Variants in PRKAR1B observed in about 807,000 individuals in gnomAD.
PRKAR1B encodes protein kinase cAMP-dependent type I regulatory subunit beta.
PRKAR1B carries 22 observed loss-of-function variants against 46.5 expected under a neutral mutation model. That is an observed-to-expected ratio of 0.47 (90% confidence interval 0.34 to 0.68). The LOEUF (loss-of-function observed/expected upper bound fraction) is 0.68, where lower values mean the gene tolerates loss of function less well. PRKAR1B is among the 30% of genes least tolerant of loss of function. The pLI is 0.01. For synonymous variants in PRKAR1B, 259 were observed against 217.7 expected (o/e 1.19, Z -1.67); for missense variants, 445 against 535.6 (o/e 0.83, Z 1.67).
intron 4 of PRKAR1B, among the ~76,000 whole-genome samples, chr7:636,962 C>A (rs914700902): frequency 6.6e-6 from 1 of 152,126 alleles, no homozygotes; most frequent in Non-Finnish European, 1.5e-5. Flanking sequence ...GTGGGGAGTG[C>A]CGGGACAGGC....
At position 593,278 on chromosome 7, in the gene PRKAR1B, C is replaced by T. The variant is rs533365707; in HGVS notation, c.708+2868G>A. 5.9e-5 allele frequency among the ~76,000 whole-genome samples: 9 copies of T among 152,098 alleles called. No individual in the cohort carries two copies. Among genetic ancestry groups the T allele is most frequent in the Non-Finnish European group, 1.0e-4 (7 of 68,026 alleles). ...GGTCTACTTCCTGGAGACACCAGACCGGGTCTCCCGCGTCCCCCAGGTCCC... is the reference window on the plus strand; with the variant it reads ...GGTCTACTTCCTGGAGACACCAGACTGGGTCTCCCGCGTCCCCCAGGTCCC... On this transcript the variant is annotated intron_variant, in intron 7 of 10. Coordinates refer to ENST00000537384, the MANE Select transcript of PRKAR1B (RefSeq NM_001164760.2). This position sits in a 1 kb window ranked among gnomAD's most constrained non-coding sequence, Gnocchi z 6.1.
intron 9 of PRKAR1B, among the ~76,000 whole-genome samples, chr7:567,923 TG>T (rs1779276109): frequency 6.6e-6 from 1 of 152,058 alleles, no homozygotes; most frequent in Non-Finnish European, 1.5e-5. Context: ...AGCTTCAGCC[TG>T]GGAAGATGAA....
intron 9 of PRKAR1B, among the ~76,000 whole-genome samples, chr7:554,089 G>C (rs922098196): frequency 3.3e-5 from 5 of 152,240 alleles, no homozygotes; most frequent in African/African-American, 1.2e-4. Flanking sequence ...CCTGGCACTG[G>C]CTCAGGCCAG....
chr7:558,909 G>C (rs1778615629), intron 9 of PRKAR1B, among the ~76,000 whole-genome samples: 1 of 152,170 alleles, frequency 6.6e-6, no homozygotes, highest in Non-Finnish European at 1.5e-5. Context: ...CACAGAACTG[G>C]GGGCAGACGG....
chr7:562,984 G>A (rs1000556332), intron 9 of PRKAR1B, among the ~76,000 whole-genome samples: 5 of 152,238 alleles, frequency 3.3e-5, no homozygotes, highest in Admixed American at 6.5e-5. Context: ...GTACTGACCA[G>A]GGTGCTGGAC....
chr7:720,050 C>CTTTTT (rs34254216), intron 1 of PRKAR1B, among the ~76,000 whole-genome samples: 9 of 93,168 alleles, frequency 9.7e-5, no homozygotes, highest in Non-Finnish European at 1.7e-4. Flanking sequence ...CTGTGCAAGT[C>CTTTTT]TTTTTTTTTT....
chr7:582,132 C>T (rs28439657), intron 8 of PRKAR1B, among the ~76,000 whole-genome samples: 3 of 151,950 alleles, frequency 2.0e-5, no homozygotes, highest in Admixed American at 2.0e-4. Context: ...AGCCACAGGA[C>T]GAGACGTCGT....
At chr7:612,585 G>C (rs1782584450) in intron 4 of PRKAR1B, among the ~76,000 whole-genome samples, 1 of 152,196 alleles carries the variant, frequency 6.6e-6, no homozygotes, top group Non-Finnish European at 1.5e-5. Flanking sequence ...ACAGATGATG[G>C]ATGGGTGGCT....
chr7:583,331 C>T (rs1780311443), intron 8 of PRKAR1B, among the ~76,000 whole-genome samples: 1 of 152,140 alleles, frequency 6.6e-6, no homozygotes, highest in African/African-American at 2.4e-5. Context: ...CACAGCCACA[C>T]TGCATACACA....
intron 4 of PRKAR1B, among the ~76,000 whole-genome samples, chr7:655,059 C>A (rs552063954): frequency 6.6e-6 from 1 of 152,346 alleles, no homozygotes; most frequent in East Asian, 1.9e-4. Context: ...TCAGCATCTC[C>A]TGCCTGGAAT....
At chr7:583,438 A>AC (rs143987538) in intron 8 of PRKAR1B, among the ~76,000 whole-genome samples, 42,498 of 117,170 alleles carry the variant, frequency 0.36, 8,555 homozygotes, top group African/African-American at 0.44. Flanking sequence ...ACACACCCAC[A>AC]GTGCACACTC....
intron 2 of PRKAR1B, among the ~76,000 whole-genome samples, chr7:686,034 C>T (rs1256950407): frequency 1.3e-5 from 2 of 152,128 alleles, no homozygotes; most frequent in African/African-American, 4.8e-5. Flanking sequence ...GGTGTGGTGG[C>T]TCACACCTGT....
intron 4 of PRKAR1B, among the ~76,000 whole-genome samples, chr7:640,765 AACACAC>A (rs71546454): frequency 3.9e-4 from 42 of 108,186 alleles, no homozygotes; most frequent in South Asian, 3.0e-3. Context: ...CTCTGTCTCA[AACACAC>A]ACACACACAC....
intron 9 of PRKAR1B, among the ~76,000 whole-genome samples, chr7:562,443 C>T (rs1778861187): frequency 6.6e-6 from 1 of 152,188 alleles, no homozygotes; most frequent in Admixed American, 6.5e-5. Flanking sequence ...CAGGACTCCT[C>T]CCAGACGACG....
At chr7:596,421 A>G (rs1427694811) in intron 6 of PRKAR1B, 117 bp from the exon 7 acceptor site, 5 of 1,280,688 alleles carry the variant, frequency 3.9e-6, no homozygotes, top group Non-Finnish European at 4.2e-6. Context: ...AGGGCGGGGC[A>G]CAAGCCCTTT....
intron 9 of PRKAR1B, among the ~76,000 whole-genome samples, chr7:559,599 C>A (rs539163051): frequency 3.3e-5 from 5 of 152,154 alleles, no homozygotes; most frequent in African/African-American, 7.2e-5. Flanking sequence ...CGTCTGGACA[C>A]CCCCCGGGAG....
intron 6 of PRKAR1B, among the ~76,000 whole-genome samples, chr7:604,279 GC>G (rs1781859582): frequency 6.6e-6 from 1 of 152,238 alleles, no homozygotes; most frequent in Non-Finnish European, 1.5e-5. Flanking sequence ...AGCAAAGCCA[GC>G]AGGAGATGAC....
intron 4 of PRKAR1B, among the ~76,000 whole-genome samples, chr7:619,164 C>G (rs566341975): frequency 2.0e-5 from 3 of 152,226 alleles, no homozygotes; most frequent in African/African-American, 7.2e-5. Flanking sequence ...AGTGTCCACG[C>G]AGAGCGAAGA....
Position 550,308 on chromosome 7 carries a change from C to A in PRKAR1B, c.*122G>T. ...GAGTCCGGGGAAGGGGCAGTCCTCA[C>A]GCTGCCGGGACCCAGCCCCACCCGG... On this transcript the variant is annotated 3_prime_UTR_variant, in exon 11 of 11. Transcript: ENST00000537384. The A allele has an allele frequency of 1.3e-6, 1 of 795,304 alleles. No homozygotes were observed. The highest frequency in any genetic ancestry group is 2.0e-6 in the Non-Finnish European group (1 of 491,380). 49.3% of individuals were successfully genotyped at this position (795,304 alleles called of 1,614,324 possible). A position where few individuals can be genotyped will look rare whatever the true frequency, so the allele number is the denominator to read the frequency against.
Sources: gnomAD v4.1 joint callset for allele counts (sites outside exome capture counted in the v4.1 genomes callset) on GRCh38, gnomAD v4.1.1 for gene constraint, Gnocchi (gnomAD v3.1) non-coding constraint, MANE v1.5 for transcripts, NCBI Gene and HGNC (gene_info 2026-07-23, HGNC 2026-07-21) for gene names.